The following ALG5 variants were observed in gnomAD, a reference collection of about 807,000 sequenced individuals.
The protein encoded by ALG5 is ALG5 dolichyl-phosphate beta-glucosyltransferase.
Under a neutral mutation model 51.8 loss-of-function variants are expected in ALG5, and 26 were observed. That is an observed-to-expected ratio of 0.50 (90% CI 0.37 to 0.70). ALG5 has a LOEUF of 0.70. ALG5 is among the 30% of genes least tolerant of loss of function. The pLI is 0.00. For synonymous variants in ALG5, 141 were observed against 136.1 expected, an observed-to-expected ratio of 1.04 and a Z score of -0.25; for missense variants, 311 against 399.3, an observed-to-expected ratio of 0.78 and a Z score of 1.88.
At chr13:36,977,790 C>CAAAAAAAAAAAAAAAAAAAA (rs869027711) in intron 6 of ALG5, among the ~76,000 whole-genome samples, 1 of 39,172 alleles carries the variant, frequency 2.6e-5, no homozygotes, top group African/African-American at 1.3e-4. Context: ...AGACTGTCTC[C>CAAAAAAAAAAAAAAAAAAAA]AAAAAAAAAA....
intron 6 of ALG5, among the ~76,000 whole-genome samples, chr13:36,983,045 A>G (rs1481127725): frequency 2.0e-5 from 3 of 152,218 alleles, no homozygotes; most frequent in Non-Finnish European, 4.4e-5. Flanking sequence ...TTTTCTTTAC[A>G]GAGTAGTATA....
chr13:36,988,845 T>C (rs747726258), intron 5 of ALG5, among the ~76,000 whole-genome samples: 3 of 152,238 alleles, frequency 2.0e-5, no homozygotes, highest in African/African-American at 4.8e-5. Flanking sequence ...AGCCCTGGAC[T>C]GCCCACCTTT....
intron 7 of ALG5, among the ~76,000 whole-genome samples, chr13:36,970,028 A>T (rs2058914334): frequency 6.7e-6 from 1 of 149,530 alleles, no homozygotes; most frequent in Admixed American, 6.7e-5. Flanking sequence ...TTTCTACTAC[A>T]ATTTTATATA....
At chr13:36,997,508 G>C (rs1815823219) in intron 1 of ALG5, among the ~76,000 whole-genome samples, 1 of 150,388 alleles carries the variant, frequency 6.6e-6, no homozygotes, top group South Asian at 2.1e-4. Context: ...AAGAAAAAAA[G>C]GGGGAGGAGA....
intron 6 of ALG5, among the ~76,000 whole-genome samples, chr13:36,982,891 G>T (rs2058986325): frequency 6.6e-6 from 1 of 152,062 alleles, no homozygotes; most frequent in Non-Finnish European, 1.5e-5. Flanking sequence ...AATAATTAGG[G>T]ATACTTTAAG....
At chr13:36,971,848 A>G in intron 7 of ALG5, 129 bp downstream of exon 7, 1 of 645,856 alleles carries the variant, frequency 1.5e-6, no homozygotes, top group South Asian at 2.4e-5. Context: ...TAAAACATTA[A>G]TTTCTTTTGA....
chr13:36,959,985 G>A (rs2058858405), intron 8 of ALG5, among the ~76,000 whole-genome samples: 1 of 151,944 alleles, frequency 6.6e-6, no homozygotes, highest in Non-Finnish European at 1.5e-5. Flanking sequence ...AACACAGTAA[G>A]GGATAATTAT....
intron 6 of ALG5, among the ~76,000 whole-genome samples, chr13:36,972,714 C>T (rs933360344): frequency 8.5e-5 from 13 of 152,080 alleles, no homozygotes; most frequent in African/African-American, 1.7e-4. Flanking sequence ...TGCTTCTGGC[C>T]GGGCGTGGTG....
Position 36,950,033 on chromosome 13 carries a change from C to G in ALG5, c.884G>C (p.Ser295Thr). Residue 295 changes from serine to threonine, a missense_variant, in exon 10 of 10, where the codon AGC (serine) becomes ACC (threonine). Coordinates refer to ENST00000239891, the MANE Select transcript of ALG5 (RefSeq NM_013338.5). ...TAGGTCTTTACCCATTTGTAGCCAG[C>G]TCCAGAATGGAACTAATTTAGAACC... ...IEGSKLVPFW[S>T]WLQMGKDLLF... 6.2e-7 allele frequency: 1 copy of G among 1,610,604 alleles called. No homozygotes were observed. Among genetic ancestry groups the G allele is most frequent in the Non-Finnish European group, 8.5e-7 (1 of 1,178,414 alleles).
intron 7 of ALG5, 89 bp downstream of exon 7, chr13:36,971,888 T>TA (rs1459626910): frequency 1.0e-6 from 1 of 1,003,520 alleles, no homozygotes; most frequent in Non-Finnish European, 1.5e-6. Context: ...AGATTAGACA[T>TA]AAAAGCCAGT....
chr13:36,969,292 CCAA>C (rs1437190420), intron 7 of ALG5, among the ~76,000 whole-genome samples: 2 of 151,874 alleles, frequency 1.3e-5, no homozygotes, highest in African/African-American at 4.8e-5. Flanking sequence ...ACAGCCACCA[CCAA>C]CAAATACAAG....
At chr13:36,982,701 A>G (rs529751014) in intron 6 of ALG5, among the ~76,000 whole-genome samples, 12 of 152,334 alleles carry the variant, frequency 7.9e-5, no homozygotes, top group African/African-American at 2.6e-4. Context: ...CTGGCTGTTT[A>G]TAAGCTTTGT....
chr13:36,954,055 C>A (rs941510493), intron 8 of ALG5, among the ~76,000 whole-genome samples: 3 of 42,428 alleles, frequency 7.1e-5, no homozygotes, highest in Non-Finnish European at 1.2e-4. Flanking sequence ...ACTGAAATCA[C>A]CTTATATTAA....
chr13:36,979,748 G>A (rs1430291527), intron 6 of ALG5, among the ~76,000 whole-genome samples: 1 of 152,110 alleles, frequency 6.6e-6, no homozygotes, highest in Non-Finnish European at 1.5e-5. Flanking sequence ...TTAGAGCTAT[G>A]TCTAAATCAG....
chr13:36,985,869 G>C, intron 5 of ALG5, 129 bp from the exon 6 acceptor site: 1 of 519,684 alleles, frequency 1.9e-6, no homozygotes, highest in Non-Finnish European at 3.3e-6. Flanking sequence ...AAGGAGGCCA[G>C]AGTTCACTGA....
chr13:36,995,638 GT>G (rs2059046108), intron 1 of ALG5, 42 bp from the exon 2 acceptor site: 2 of 1,560,082 alleles, frequency 1.3e-6, no homozygotes, highest in Admixed American at 2.1e-5. Context: ...CAGAAATTAT[GT>G]TTTGCTGACT....
chr13:36,970,376 G>A (rs2058916572), intron 7 of ALG5, among the ~76,000 whole-genome samples: 1 of 152,122 alleles, frequency 6.6e-6, no homozygotes, highest in African/African-American at 2.4e-5. Flanking sequence ...CACTTTGGGA[G>A]GCCAAGGAGG....
At chr13:36,984,249 C>A (rs957474092) in intron 6 of ALG5, among the ~76,000 whole-genome samples, 2 of 151,900 alleles carry the variant, frequency 1.3e-5, no homozygotes, top group South Asian at 2.1e-4. Context: ...GACGCATACA[C>A]CACCACACCC....
Position 36,967,749 on chromosome 13 carries a change from T to A in ALG5, c.622-2023A>T, listed in dbSNP as rs948941731. The A allele has an allele frequency of 5.5e-6, 6 of 1,089,134 alleles. No individual in the cohort carries two copies. The East Asian group carries it at 3.5e-4, about 64-fold the overall frequency. 67.5% of individuals were successfully genotyped at this position (1,089,134 alleles called of 1,614,324 possible). ...ACAACAGCTTGCTCAGTGCCTTCCA[T>A]ACAAAATACTTCCAATAAATACTGG... On this transcript the variant is annotated intron_variant, in intron 7 of 9. Coordinates refer to ENST00000239891, the MANE Select transcript of ALG5 (RefSeq NM_013338.5).
Sources: gnomAD v4.1 joint callset for allele counts (sites outside exome capture counted in the v4.1 genomes callset) on GRCh38, gnomAD v4.1.1 for gene constraint, MANE v1.5 for transcripts, NCBI Gene and HGNC (gene_info 2026-07-23, HGNC 2026-07-21) for gene names.